Variants in FHIT observed in about 807,000 individuals in gnomAD.
FHIT encodes fragile histidine triad diadenosine triphosphatase, also known as bis(5'-adenosyl)-triphosphatase.
A neutral mutation model predicts 17.9 loss-of-function variants in FHIT; 19 were observed. That is an observed-to-expected ratio of 1.06 (90% CI 0.74 to 1.56). The LOEUF (loss-of-function observed/expected upper bound fraction) is 1.56. Among genes scored for constraint, FHIT ranks in the 40% most tolerant of loss-of-function variants. The pLI, the probability that FHIT is intolerant of heterozygous loss-of-function variation, is 0.00. For synonymous variants in FHIT, 81 were observed against 69.7 expected (o/e 1.16, Z -0.81); for missense variants, 248 against 189.2 (o/e 1.31, Z -1.82).
At chr3:60,692,621 G>A (rs1480258012) in intron 4 of FHIT, among the ~76,000 whole-genome samples, 1 of 152,170 alleles carries the variant, frequency 6.6e-6, no homozygotes, top group Non-Finnish European at 1.5e-5. Context: ...TTCCCTTAGA[G>A]ACCTCAGAAA....
At chr3:60,135,456 C>T (rs1289426440) in intron 5 of FHIT, among the ~76,000 whole-genome samples, 1 of 152,110 alleles carries the variant, frequency 6.6e-6, no homozygotes, top group African/African-American at 2.4e-5. Flanking sequence ...TTGTGGAATA[C>T]CTACAATGGG....
At chr3:60,199,917 T>C (rs1218160202) in intron 5 of FHIT, among the ~76,000 whole-genome samples, 1 of 152,134 alleles carries the variant, frequency 6.6e-6, no homozygotes, top group Admixed American at 6.5e-5. Context: ...GTATACAATA[T>C]AACTCCATTG....
intron 4 of FHIT, 73 bp from the exon 5 acceptor site, chr3:60,537,052 C>G (rs2036010647): frequency 8.0e-7 from 1 of 1,246,922 alleles, no homozygotes; most frequent in African/African-American, 1.5e-5. Flanking sequence ...TTAAAGAAAG[C>G]AAATTCCATT....
chr3:60,329,300 T>C (rs1709847603), intron 5 of FHIT, among the ~76,000 whole-genome samples: 1 of 152,192 alleles, frequency 6.6e-6, no homozygotes, highest in Admixed American at 6.5e-5. Flanking sequence ...CATTAGCCAT[T>C]AGCTTTAAAA....
chr3:59,976,602 C>T (rs754109021), intron 7 of FHIT, among the ~76,000 whole-genome samples: 44 of 152,080 alleles, frequency 2.9e-4, no homozygotes, highest in Admixed American at 5.9e-4. Context: ...TCTCCAGGCA[C>T]ACGCCCCAGC....
At chr3:60,561,479 G>C (rs976245705) in intron 4 of FHIT, among the ~76,000 whole-genome samples, 3 of 146,840 alleles carry the variant, frequency 2.0e-5, no homozygotes, top group Non-Finnish European at 3.0e-5. Context: ...AGCCTCAGAT[G>C]ATGGGGAGAA....
At chr3:60,827,562 CT>C (rs1553741390) in intron 3 of FHIT, among the ~76,000 whole-genome samples, 1 of 152,192 alleles carries the variant, frequency 6.6e-6, no homozygotes, top group Non-Finnish European at 1.5e-5. Context: ...GGAAATTAGA[CT>C]TTTCAGAGCT....
chr3:60,521,349 G>C (rs1484927506), intron 5 of FHIT, among the ~76,000 whole-genome samples: 1 of 152,070 alleles, frequency 6.6e-6, no homozygotes, highest in Non-Finnish European at 1.5e-5. Context: ...CCAGATTCAC[G>C]CCATTCTCCT....
At chr3:60,242,838 T>C (rs150262813) in intron 5 of FHIT, among the ~76,000 whole-genome samples, 2,137 of 152,128 alleles carry the variant, frequency 0.014, 30 homozygotes, top group Non-Finnish European at 0.02. Flanking sequence ...TGTTCATATA[T>C]ATATATTTAT....
At chr3:59,959,824 A>T (rs868632307) in intron 7 of FHIT, among the ~76,000 whole-genome samples, 8 of 152,198 alleles carry the variant, frequency 5.3e-5, no homozygotes, top group African/African-American at 1.9e-4. Flanking sequence ...GATTTGGGGT[A>T]GGGTCAGATT....
intron 5 of FHIT, among the ~76,000 whole-genome samples, chr3:60,136,308 T>C (rs1699815551): frequency 6.6e-6 from 1 of 152,134 alleles, no homozygotes; most frequent in African/African-American, 2.4e-5. Context: ...AACTAGTAAC[T>C]GTACTAACAG....
intron 8 of FHIT, among the ~76,000 whole-genome samples, chr3:59,807,229 G>C (rs550071833): frequency 2.0e-5 from 3 of 152,306 alleles, no homozygotes; most frequent in Admixed American, 2.0e-4. Context: ...CAGGATCCTA[G>C]TGCAATCTTC....
intron 4 of FHIT, among the ~76,000 whole-genome samples, chr3:60,663,202 T>A (rs2040304077): frequency 1.0e-5 from 1 of 98,874 alleles, no homozygotes; most frequent in Admixed American, 1.1e-4. Context: ...CACTTTATTT[T>A]ATGTCAACAT....
At chr3:60,467,967 A>G (rs2032889530) in intron 5 of FHIT, among the ~76,000 whole-genome samples, 1 of 151,972 alleles carries the variant, frequency 6.6e-6, no homozygotes, top group Non-Finnish European at 1.5e-5. Context: ...AACATATATG[A>G]GTGCTCCAGT....
In FHIT at chr3:60,140,094, C is replaced by G. The variant is rs200729543; in HGVS notation, c.104-125942G>C. 1.8e-4 allele frequency among the ~76,000 whole-genome samples: 27 copies of G among 151,620 alleles called. No homozygotes were observed. In the East Asian group the frequency reaches 5.2e-3, roughly 29 times the overall value. On this transcript the variant is annotated intron_variant, in intron 5 of 9. Coordinates refer to ENST00000492590, the MANE Select transcript of FHIT (RefSeq NM_002012.4). ...AGAGATCGTACCACTGCACAACAGC[C>G]TGGGCAACATAGTGAGATTCCATCT...
chr3:60,612,762 T>TA (rs2038825730), intron 4 of FHIT, among the ~76,000 whole-genome samples: 1 of 152,138 alleles, frequency 6.6e-6, no homozygotes, highest in Non-Finnish European at 1.5e-5. Context: ...TGAGACTAGA[T>TA]AAACAAATGC....
intron 2 of FHIT, chr3:61,165,943 G>GCAGCAC (rs2037824215): frequency 6.6e-6 from 1 of 152,192 alleles, no homozygotes; most frequent in African/African-American, 2.4e-5. Flanking sequence ...AGCAGCAGCA[G>GCAGCAC]CAGCACCATC....
chr3:60,869,894 C>A (rs1704330092), intron 3 of FHIT, among the ~76,000 whole-genome samples: 1 of 152,100 alleles, frequency 6.6e-6, no homozygotes, highest in Non-Finnish European at 1.5e-5. Flanking sequence ...TTCTTGAGCT[C>A]TTTTTCTCGG....
intron 4 of FHIT, among the ~76,000 whole-genome samples, chr3:60,792,803 T>C (rs1211863063): frequency 6.6e-6 from 1 of 151,784 alleles, no homozygotes; most frequent in East Asian, 1.9e-4. Flanking sequence ...AGTAATTCCA[T>C]CTTGAGACTG....
Sources: gnomAD v4.1 joint callset for allele counts (sites outside exome capture counted in the v4.1 genomes callset) on GRCh38, gnomAD v4.1.1 for gene constraint, MANE v1.5 for transcripts, NCBI Gene and HGNC (gene_info 2026-07-23, HGNC 2026-07-21) for gene names.